The following PDE11A variants were observed in gnomAD, a reference collection of about 807,000 sequenced individuals.
The protein encoded by PDE11A is dual 3',5'-cyclic-AMP and -GMP phosphodiesterase 11A.
PDE11A carries 100 observed loss-of-function variants against 100.5 expected under a neutral mutation model. That is an observed-to-expected ratio of 1.00 (90% CI 0.85 to 1.18). PDE11A has a LOEUF of 1.18. PDE11A is among the 50% of genes most tolerant of loss of function. The pLI, the probability that PDE11A is intolerant of heterozygous loss-of-function variation, is 0.00. For synonymous variants in PDE11A, 381 were observed against 420.8 expected, an observed-to-expected ratio of 0.91 and a Z score of 1.16; for missense variants, 1,141 against 1,152.6, an observed-to-expected ratio of 0.99 and a Z score of 0.15.
At chr2:177,687,026 T>G (rs1437077506) in intron 15 of PDE11A, 1 of 152,132 alleles carries the variant, frequency 6.6e-6, no homozygotes, top group African/African-American at 2.4e-5. Flanking sequence ...CACATTTAAA[T>G]TTTTTTAAAG....
chr2:177,853,285 T>C (rs2083748263), intron 5 of PDE11A, among the ~76,000 whole-genome samples: 1 of 152,006 alleles, frequency 6.6e-6, no homozygotes, highest in Admixed American at 6.6e-5. Flanking sequence ...GATAAAATAA[T>C]AGAATGTTGA....
At chr2:177,961,614 T>C (rs976184974) in intron 2 of PDE11A, among the ~76,000 whole-genome samples, 1 of 152,178 alleles carries the variant, frequency 6.6e-6, no homozygotes, top group Non-Finnish European at 1.5e-5. Flanking sequence ...GGAAAGTCAA[T>C]ACATACTACC....
intron 12 of PDE11A, among the ~76,000 whole-genome samples, chr2:177,720,488 C>A (rs1439219653): frequency 6.6e-6 from 1 of 152,124 alleles, no homozygotes. Context: ...TGGTCATACT[C>A]CCTCGGCATT....
chr2:177,854,930 G>C (rs1006203349), intron 5 of PDE11A, among the ~76,000 whole-genome samples: 6 of 152,114 alleles, frequency 3.9e-5, no homozygotes, highest in African/African-American at 1.4e-4. Flanking sequence ...ATATGCTAGA[G>C]AGTAGTCAAA....
At chr2:177,658,222 G>A (rs1251723952) in intron 19 of PDE11A, among the ~76,000 whole-genome samples, 1 of 152,134 alleles carries the variant, frequency 6.6e-6, no homozygotes, top group East Asian at 1.9e-4. Flanking sequence ...TGAGTTCCCT[G>A]GTACCTAGAT....
At chr2:177,696,632 C>T (rs935280672) in intron 15 of PDE11A, among the ~76,000 whole-genome samples, 1 of 144,228 alleles carries the variant, frequency 6.9e-6, no homozygotes, top group Non-Finnish European at 1.5e-5. Context: ...TAAATGTGCT[C>T]TGTTTATTTA....
At chr2:177,833,924 T>G (rs775100434) in intron 6 of PDE11A, among the ~76,000 whole-genome samples, 1 of 152,156 alleles carries the variant, frequency 6.6e-6, no homozygotes, top group Non-Finnish European at 1.5e-5. Context: ...TACCTGGGCA[T>G]GCCCACGGCA....
chr2:177,856,799 CAT>C (rs1285867987), intron 5 of PDE11A, among the ~76,000 whole-genome samples: 2 of 151,936 alleles, frequency 1.3e-5, no homozygotes, highest in African/African-American at 4.8e-5. Flanking sequence ...GTCTCAGTAA[CAT>C]GTGGGATACC....
intron 6 of PDE11A, among the ~76,000 whole-genome samples, chr2:177,824,032 G>A (rs979313758): frequency 1.3e-5 from 2 of 152,098 alleles, no homozygotes; most frequent in Non-Finnish European, 1.5e-5. Flanking sequence ...TAGGCTGTTC[G>A]CCAGTTAAAT....
At position 178,052,942 on chromosome 2, in the gene PDE11A, G is replaced by C. The variant is rs567246515; in HGVS notation, c.912+18584C>G. The stretch of plus-strand genomic sequence containing the variant: ...CCAAATTCTACCAGAGGTACAAAGA[G>C]GAGCTGGTACCATTCCTTCTGAAAC... On this transcript the variant is annotated intron_variant, in intron 1 of 19. Transcript: ENST00000286063. Among the ~76,000 whole-genome samples, 83 of 152,270 alleles carry C rather than the reference G, an allele frequency of 5.5e-4. 1 individual carries two copies. In the South Asian group the frequency reaches 7.3e-3, roughly 13 times the overall value.
At chr2:177,792,035 G>A (rs1330329250) in intron 9 of PDE11A, among the ~76,000 whole-genome samples, 1 of 152,146 alleles carries the variant, frequency 6.6e-6, no homozygotes, top group Non-Finnish European at 1.5e-5. Flanking sequence ...TTAATTCTTA[G>A]TGAGATTAAA....
chr2:177,875,740 C>T (rs1032066694), intron 5 of PDE11A, 119 bp downstream of exon 5: 7 of 743,118 alleles, frequency 9.4e-6, no homozygotes, highest in South Asian at 7.5e-5. Context: ...AGAAGAGTCA[C>T]GATATTTGGT....
chr2:177,632,201 A>T (rs1470314980), intron 19 of PDE11A, among the ~76,000 whole-genome samples: 2 of 152,234 alleles, frequency 1.3e-5, no homozygotes, highest in Admixed American at 6.5e-5. Flanking sequence ...AGGAATAATA[A>T]GATACACGTC....
At chr2:177,733,530 C>A (rs902270713) in intron 10 of PDE11A, among the ~76,000 whole-genome samples, 11 of 152,210 alleles carry the variant, frequency 7.2e-5, no homozygotes, top group African/African-American at 1.9e-4. Flanking sequence ...ATCCTGGATC[C>A]CTTGACACAT....
intron 19 of PDE11A, among the ~76,000 whole-genome samples, chr2:177,659,267 GAAAAAAAA>G (rs71010812): frequency 7.8e-6 from 1 of 128,198 alleles, no homozygotes; most frequent in African/African-American, 3.1e-5. Context: ...ATCTCAGGGG[GAAAAAAAA>G]AAAAAAAAAA....
intron 6 of PDE11A, among the ~76,000 whole-genome samples, chr2:177,830,644 AATAATC>A (rs1174543498): frequency 7.3e-5 from 8 of 110,092 alleles, no homozygotes; most frequent in African/African-American, 1.9e-4. Context: ...TAATAATAAT[AATAATC>A]AGGTGTTGTT....
intron 18 of PDE11A, among the ~76,000 whole-genome samples, chr2:177,665,273 A>T (rs1362601883): frequency 6.7e-6 from 1 of 149,908 alleles, no homozygotes; most frequent in African/African-American, 2.5e-5. Context: ...AGAGTTCAAG[A>T]CCAGCCTGGA....
intron 2 of PDE11A, among the ~76,000 whole-genome samples, chr2:178,089,678 G>C (rs1248713555): frequency 6.6e-6 from 1 of 152,226 alleles, no homozygotes; most frequent in Admixed American, 6.5e-5. Flanking sequence ...AGAGGAGCCT[G>C]ACTCAAGTCT....
chr2:178,086,359 A>G (rs1202362417), intron 2 of PDE11A, among the ~76,000 whole-genome samples: 1 of 152,214 alleles, frequency 6.6e-6, no homozygotes, highest in Non-Finnish European at 1.5e-5. Flanking sequence ...AGTTCTACAC[A>G]AAGGCATGAA....
Sources: allele counts gnomAD v4.1 joint callset (sites outside exome capture counted in the v4.1 genomes callset), GRCh38; gene constraint gnomAD v4.1.1; transcripts MANE v1.5; gene names NCBI Gene and HGNC (gene_info 2026-07-23, HGNC 2026-07-21).